KIAA0825: variants seen among roughly 807,000 people sequenced by gnomAD.
KIAA0825 encodes KIAA0825.
Under a neutral mutation model 147.6 loss-of-function variants are expected in KIAA0825, and 119 were observed. The ratio of observed to expected loss-of-function variants is 0.81; its 90% CI spans 0.69 to 0.94. The LOEUF is 0.94. Among genes scored for constraint, KIAA0825 ranks in the 40% least tolerant of loss-of-function variants. The pLI is 0.00. For missense variants in KIAA0825, 1,381 were observed against 1,472.7 expected, an observed-to-expected ratio of 0.94 and a Z score of 1.02; for synonymous variants, 470 against 518.1, an observed-to-expected ratio of 0.91 and a Z score of 1.26.
At chr5:94,607,146 G>A (rs1313183103) in intron 1 of KIAA0825, among the ~76,000 whole-genome samples, 4 of 151,828 alleles carry the variant, frequency 2.6e-5, no homozygotes, top group Non-Finnish European at 5.9e-5. Context: ...CAGGCTAGTG[G>A]CTGGCACATA....
At chr5:94,263,298 C>T (rs889916088) in intron 20 of KIAA0825, among the ~76,000 whole-genome samples, 1 of 152,188 alleles carries the variant, frequency 6.6e-6, no homozygotes, top group Admixed American at 6.5e-5. Context: ...ACCAAATGGT[C>T]TGTCAGATGT....
chr5:94,244,811 T>C (rs1775524192), intron 20 of KIAA0825, among the ~76,000 whole-genome samples: 1 of 152,202 alleles, frequency 6.6e-6, no homozygotes, highest in Admixed American at 6.5e-5. Context: ...ATCATATTAA[T>C]AACATCAACA....
chr5:94,311,467 C>G (rs2150206204), intron 20 of KIAA0825, among the ~76,000 whole-genome samples: 1 of 151,668 alleles, frequency 6.6e-6, no homozygotes, highest in African/African-American at 2.4e-5. Flanking sequence ...ATGTCTCATA[C>G]TGCCACGCAA....
At chr5:94,579,291 C>T (rs1781638700) in intron 2 of KIAA0825, among the ~76,000 whole-genome samples, 1 of 152,164 alleles carries the variant, frequency 6.6e-6, no homozygotes, top group Non-Finnish European at 1.5e-5. Context: ...TATACCTCTA[C>T]TACATCCGTA....
At chr5:94,536,790 T>C (rs995035285) in intron 3 of KIAA0825, among the ~76,000 whole-genome samples, 2 of 152,190 alleles carry the variant, frequency 1.3e-5, no homozygotes, top group African/African-American at 4.8e-5. Context: ...AAGATAGTGC[T>C]TCTATTTTCT....
At chr5:94,494,314 CTTTTTTTTTT>C (rs530332272) in intron 5 of KIAA0825, among the ~76,000 whole-genome samples, 14 of 111,862 alleles carry the variant, frequency 1.3e-4, no homozygotes, top group Admixed American at 3.8e-4. Context: ...ATATTCAATC[CTTTTTTTTTT>C]TTTTTTTTTT....
intron 5 of KIAA0825, among the ~76,000 whole-genome samples, chr5:94,509,901 G>A (rs1331344334): frequency 6.6e-6 from 1 of 152,084 alleles, no homozygotes; most frequent in Non-Finnish European, 1.5e-5. Context: ...CCCATTAAAA[G>A]TACATCCTCT....
intron 20 of KIAA0825, among the ~76,000 whole-genome samples, chr5:94,301,396 A>G (rs1021923744): frequency 6.6e-5 from 10 of 150,848 alleles, no homozygotes; most frequent in South Asian, 2.1e-4. Context: ...ATATATATAT[A>G]TATAAAAAAT....
chr5:94,504,152 G>GT (rs1171852369), intron 5 of KIAA0825, among the ~76,000 whole-genome samples: 3 of 152,124 alleles, frequency 2.0e-5, no homozygotes, highest in Admixed American at 2.0e-4. Context: ...ATTTCTCCAT[G>GT]TTTTTTCATT....
At chr5:94,493,930 C>T (rs1289950922) in intron 5 of KIAA0825, among the ~76,000 whole-genome samples, 1 of 152,104 alleles carries the variant, frequency 6.6e-6, no homozygotes, top group Admixed American at 6.5e-5. Context: ...TATTTCCTCC[C>T]AACCCACTGA....
chr5:94,551,894 A>G (rs912478239), intron 2 of KIAA0825, among the ~76,000 whole-genome samples: 15 of 152,224 alleles, frequency 9.9e-5, no homozygotes, highest in Admixed American at 7.8e-4. Context: ...ATAAACAAGA[A>G]AATAATACAA....
intron 2 of KIAA0825, among the ~76,000 whole-genome samples, chr5:94,580,217 G>A (rs1781827639): frequency 1.3e-5 from 2 of 152,094 alleles, no homozygotes. Flanking sequence ...TAAAACCAGA[G>A]CCAGGTGTTT....
At chr5:94,372,670 A>G in intron 20 of KIAA0825, among the ~76,000 whole-genome samples, 1 of 152,284 alleles carries the variant, frequency 6.6e-6, no homozygotes, top group Admixed American at 6.5e-5. Context: ...CTGGGTCTCC[A>G]GGCCTGTAAT....
chr5:94,199,035 T>C (rs890764816), intron 20 of KIAA0825, among the ~76,000 whole-genome samples: 1 of 152,184 alleles, frequency 6.6e-6, no homozygotes, highest in African/African-American at 2.4e-5. Context: ...CTAAATTCGA[T>C]ATCTGTCATT....
chr5:94,380,137 G>A (rs1748191646), intron 20 of KIAA0825, among the ~76,000 whole-genome samples: 1 of 152,110 alleles, frequency 6.6e-6, no homozygotes, highest in Admixed American at 6.5e-5. Context: ...ACAGGCGTGA[G>A]CCACCGTGCC....
At chr5:94,469,893 G>T in intron 10 of KIAA0825, 68 bp downstream of exon 10, 3 of 1,282,812 alleles carry the variant, frequency 2.3e-6, no homozygotes, top group Non-Finnish European at 3.1e-6. Context: ...TTTCTAATTA[G>T]CCAGAAAGCA....
intron 14 of KIAA0825, 77 bp from the exon 15 acceptor site, chr5:94,417,442 T>C: frequency 8.9e-7 from 1 of 1,123,026 alleles, no homozygotes; most frequent in East Asian, 2.6e-5. Flanking sequence ...TCTTACTATG[T>C]ACACTAGCAT....
chr5:94,565,009 CCTCTCTCTCTCT>C (rs147820367), intron 2 of KIAA0825, among the ~76,000 whole-genome samples: 1 of 116,744 alleles, frequency 8.6e-6, no homozygotes, highest in Non-Finnish European at 1.7e-5. Context: ...TCTCTCTCTC[CCTCTCTCTCTCT>C]CTCTCTCTTT....
At chr5:94,540,867 G>T (rs1283572727) in intron 2 of KIAA0825, among the ~76,000 whole-genome samples, 2 of 152,248 alleles carry the variant, frequency 1.3e-5, no homozygotes, top group East Asian at 3.9e-4. Context: ...CTCTAGATAA[G>T]GCCTGGGGAT....
Sources: allele counts gnomAD v4.1 joint callset (sites outside exome capture counted in the v4.1 genomes callset), GRCh38; gene constraint gnomAD v4.1.1; transcripts MANE v1.5; gene names NCBI Gene and HGNC (gene_info 2026-07-23, HGNC 2026-07-21).